The following SCAMP1 variants were observed in gnomAD, a reference collection of about 807,000 sequenced individuals.
SCAMP1 encodes secretory carrier-associated membrane protein 1.
A neutral mutation model predicts 41.8 loss-of-function variants in SCAMP1; 15 were observed. That is an observed-to-expected ratio of 0.36 (90% confidence interval 0.24 to 0.55). SCAMP1 has a LOEUF of 0.55. Among genes scored for constraint, SCAMP1 ranks in the 20% least tolerant of loss-of-function variants. SCAMP1 has a pLI of 0.86. For missense variants in SCAMP1, 341 were observed against 412.6 expected (o/e 0.83, Z 1.50); for synonymous variants, 135 against 136.8 (o/e 0.99, Z 0.09).
At chr5:78,419,532 A>T (rs1752289014) in intron 5 of SCAMP1, among the ~76,000 whole-genome samples, 1 of 152,208 alleles carries the variant, frequency 6.6e-6, no homozygotes, top group Non-Finnish European at 1.5e-5. Flanking sequence ...AGCCGTTAAC[A>T]GTTTTACTCT....
At chr5:78,459,914 C>T (rs1447651323) in intron 8 of SCAMP1, among the ~76,000 whole-genome samples, 2 of 152,080 alleles carry the variant, frequency 1.3e-5, no homozygotes, top group South Asian at 2.1e-4. Flanking sequence ...GCTCTTCTCC[C>T]TCCCTCCCTT....
At chr5:78,414,364 C>T (rs1364575055) in intron 2 of SCAMP1, among the ~76,000 whole-genome samples, 11 of 151,964 alleles carry the variant, frequency 7.2e-5, no homozygotes, top group Non-Finnish European at 1.5e-4. Flanking sequence ...CTCACTGCAA[C>T]CTCCGCCTCC....
intron 1 of SCAMP1, among the ~76,000 whole-genome samples, chr5:78,382,424 T>C (rs1235925129): frequency 6.6e-6 from 1 of 152,214 alleles, no homozygotes; most frequent in Non-Finnish European, 1.5e-5. Context: ...TTCAGGTTTT[T>C]AAAAAATTTC....
At chr5:78,437,881 T>A (rs1212922047) in intron 6 of SCAMP1, among the ~76,000 whole-genome samples, 1 of 152,216 alleles carries the variant, frequency 6.6e-6, no homozygotes, top group Non-Finnish European at 1.5e-5. Context: ...AATTATTGCC[T>A]CAATTTCAGA....
At chr5:78,413,405 T>C (rs1752129618) in intron 2 of SCAMP1, among the ~76,000 whole-genome samples, 1 of 146,276 alleles carries the variant, frequency 6.8e-6, no homozygotes, top group Non-Finnish European at 1.5e-5. Flanking sequence ...TGGTTTGACC[T>C]GTTTTTAGTT....
intron 1 of SCAMP1, among the ~76,000 whole-genome samples, chr5:78,366,108 G>A (rs754929213): frequency 7.9e-5 from 12 of 151,608 alleles, no homozygotes; most frequent in South Asian, 2.1e-4. Context: ...TCACATGGCA[G>A]AAGGGGATGG....
At chr5:78,467,929 T>G in intron 8 of SCAMP1, among the ~76,000 whole-genome samples, 1 of 152,202 alleles carries the variant, frequency 6.6e-6, no homozygotes, top group East Asian at 1.9e-4. Context: ...GTAGCAGTAT[T>G]TATAACCACT....
In SCAMP1 at chr5:78,451,928, T is replaced by C. The variant is rs186468178; in HGVS notation, c.734+1894T>C. The stretch of plus-strand genomic sequence containing the variant: ...CCTCAGCCTTCCATAATACTGGGAT[T>C]ACAAGCGTGAGCTACCATGTCTGGC... On this transcript the variant is annotated intron_variant, in intron 7 of 8. Transcript: ENST00000621999. 3.0e-3 allele frequency among the ~76,000 whole-genome samples: 456 copies of C among 152,368 alleles called. 5 individuals are homozygous for C. Among genetic ancestry groups the C allele is most frequent in the African/African-American group, 0.011 (438 of 41,584 alleles).
intron 6 of SCAMP1, among the ~76,000 whole-genome samples, chr5:78,434,579 G>A (rs1752699239): frequency 6.6e-6 from 1 of 151,610 alleles, no homozygotes; most frequent in Non-Finnish European, 1.5e-5. Context: ...TTCTTCAGAA[G>A]TTTTAAAAGC....
intron 7 of SCAMP1, among the ~76,000 whole-genome samples, chr5:78,451,606 G>A (rs1753228199): frequency 6.6e-6 from 1 of 152,250 alleles, no homozygotes; most frequent in Non-Finnish European, 1.5e-5. Context: ...TTATTTTCTG[G>A]AGATTTATCC....
intron 7 of SCAMP1, among the ~76,000 whole-genome samples, chr5:78,452,180 CTTTTCT>C (rs1279784002): frequency 2.7e-5 from 4 of 149,166 alleles, no homozygotes; most frequent in African/African-American, 1.0e-4. Context: ...ATTTAGTTTT[CTTTTCT>C]TTTTTTTTTT....
Position 78,418,781 on chromosome 5 carries a change from A to G in SCAMP1, c.350A>G (p.Lys117Arg). The change falls in exon 5 of 9, where the codon AAA (lysine) becomes AGA (arginine). Residue 117 changes from lysine (K) to arginine (R), a missense_variant. Transcript: ENST00000621999. ...EMQNLSQHGR[K>R]NNWPPLPSNF... Reference sequence around the variant, plus strand: ...TTCTAAAAAAAATTTACAGGTAGAAAAAATAATTGGCCACCTCTTCCTAGC... The same window carrying G: ...TTCTAAAAAAAATTTACAGGTAGAAGAAATAATTGGCCACCTCTTCCTAGC... 4 of 1,526,054 alleles carry G rather than the reference A, an allele frequency of 2.6e-6. No homozygotes were observed. Among genetic ancestry groups the G allele is most frequent in the Non-Finnish European group, 3.5e-6 (4 of 1,134,744 alleles). 94.5% of individuals were successfully genotyped at this position (1,526,054 alleles called of 1,614,324 possible).
At chr5:78,361,112 G>A (rs1184834393) in intron 1 of SCAMP1, 1 of 209,174 alleles carries the variant, frequency 4.8e-6, no homozygotes, top group African/African-American at 2.3e-5. Context: ...GTCGGCGGAG[G>A]GGGGCCCGCC....
chr5:78,419,622 A>G (rs1752291660), intron 5 of SCAMP1, among the ~76,000 whole-genome samples: 1 of 152,184 alleles, frequency 6.6e-6, no homozygotes, highest in South Asian at 2.1e-4. Flanking sequence ...ATACCCTGTC[A>G]GAAGGGGAGG....
chr5:78,458,725 C>G (rs147894832), intron 7 of SCAMP1, among the ~76,000 whole-genome samples: 1 of 152,012 alleles, frequency 6.6e-6, no homozygotes, highest in Non-Finnish European at 1.5e-5. Flanking sequence ...ACTAAAGATA[C>G]AAAAAGTAGC....
At chr5:78,423,033 CACACACACACACACACACAG>C in intron 6 of SCAMP1, among the ~76,000 whole-genome samples, 2 of 64,350 alleles carry the variant, frequency 3.1e-5, no homozygotes, top group East Asian at 4.6e-4. Context: ...CACACACACA[CACACACACACACACACACAG>C]AGTTAGAAAC....
At chr5:78,409,553 C>T (rs977104929) in intron 2 of SCAMP1, among the ~76,000 whole-genome samples, 6 of 152,134 alleles carry the variant, frequency 3.9e-5, no homozygotes, top group Non-Finnish European at 7.3e-5. Flanking sequence ...CTCCAGAATT[C>T]TACTTGGCTT....
intron 6 of SCAMP1, among the ~76,000 whole-genome samples, chr5:78,428,635 A>G (rs1358975541): frequency 6.6e-6 from 1 of 152,114 alleles, no homozygotes; most frequent in Non-Finnish European, 1.5e-5. Context: ...TGTTTCTACA[A>G]AAAATAAAAA....
chr5:78,390,937 C>T (rs1291755025), intron 2 of SCAMP1, among the ~76,000 whole-genome samples: 2 of 150,012 alleles, frequency 1.3e-5, no homozygotes, highest in Non-Finnish European at 3.0e-5. Context: ...TGAGTGGACA[C>T]AGCACATGTT....
Sources: allele counts gnomAD v4.1 joint callset (sites outside exome capture counted in the v4.1 genomes callset), GRCh38; gene constraint gnomAD v4.1.1; transcripts MANE v1.5; gene names NCBI Gene and HGNC (gene_info 2026-07-23, HGNC 2026-07-21).